FAT4: variants seen among roughly 807,000 people sequenced by gnomAD.
FAT4 encodes the protein FAT atypical cadherin 4, also known as protocadherin Fat 4.
In FAT4, 84 loss-of-function variants were observed where a neutral mutation model predicts 303.9. The observed-to-expected ratio is 0.28, with a 90% CI of 0.23 to 0.33. The LOEUF (loss-of-function observed/expected upper bound fraction) is 0.33. Among genes scored for constraint, FAT4 ranks in the 10% least tolerant of loss-of-function variants. The pLI is 1.00. For synonymous variants in FAT4, 2,307 were observed against 2,298.8 expected (o/e 1.00, Z -0.10); for missense variants, 6,005 against 6,146.8 (o/e 0.98, Z 0.77).
chr4:125,449,488 A>G lies in FAT4; in HGVS notation c.8478A>G (p.Thr2826=). 1.2e-6 allele frequency: 2 copies of G among 1,613,882 alleles called. No individual in the cohort carries two copies. The highest frequency in any genetic ancestry group is 2.2e-5 in the East Asian group (1 of 44,850). ...ASLPFTINPS[T]GDIVISRPLN... Reference sequence around the variant, plus strand: ...TTCCATTTACAATTAATCCCAGCACAGGGGATATTGTCATAAGCAGACCTT... The same window carrying G: ...TTCCATTTACAATTAATCCCAGCACGGGGGATATTGTCATAAGCAGACCTT... Residue 2826 remains threonine (T), a synonymous_variant, in exon 10 of 18, where the codon ACA becomes ACG. Coordinates refer to ENST00000394329, the MANE Select transcript of FAT4 (RefSeq NM_001291303.3).
At chr4:125,336,971 T>C (rs1731601488) in intron 2 of FAT4, among the ~76,000 whole-genome samples, 1 of 152,012 alleles carries the variant, frequency 6.6e-6, no homozygotes, top group Non-Finnish European at 1.5e-5. Context: ...TAAGTAATGG[T>C]ATTTCCATTT....
intron 16 of FAT4, among the ~76,000 whole-genome samples, chr4:125,483,535 C>G (rs550010919): frequency 6.6e-6 from 1 of 152,250 alleles, no homozygotes; most frequent in Middle Eastern, 3.4e-3. Flanking sequence ...AGCTGAATGT[C>G]AGGATCCATT....
intron 7 of FAT4, among the ~76,000 whole-genome samples, chr4:125,417,064 C>G (rs1330793628): frequency 6.6e-6 from 1 of 152,070 alleles, no homozygotes; most frequent in African/African-American, 2.4e-5. Flanking sequence ...ATTCTGATTG[C>G]CTCTATGTTA....
intron 2 of FAT4, among the ~76,000 whole-genome samples, chr4:125,357,851 C>T (rs1732496326): frequency 6.6e-6 from 1 of 152,132 alleles, no homozygotes; most frequent in Non-Finnish European, 1.5e-5. Context: ...AACGTCTTGA[C>T]ATTGTCAATT....
intron 7 of FAT4, among the ~76,000 whole-genome samples, chr4:125,428,293 C>T (rs1331909109): frequency 6.6e-6 from 1 of 151,556 alleles, no homozygotes; most frequent in Non-Finnish European, 1.5e-5. Context: ...AGCGAAACTC[C>T]GTCTCAAAAA....
intron 7 of FAT4, among the ~76,000 whole-genome samples, chr4:125,423,769 C>A (rs1724989849): frequency 6.6e-6 from 1 of 152,142 alleles, no homozygotes. Context: ...GCCACAGGGG[C>A]AGAGCTGCCC....
At chr4:125,469,629 T>TA (rs1430553942) in intron 12 of FAT4, among the ~76,000 whole-genome samples, 1 of 152,208 alleles carries the variant, frequency 6.6e-6, no homozygotes, top group Non-Finnish European at 1.5e-5. Flanking sequence ...TGTTTATCCC[T>TA]AAGAAGCAGC....
At chr4:125,393,127 A>C (rs1734035518) in intron 2 of FAT4, among the ~76,000 whole-genome samples, 1 of 152,220 alleles carries the variant, frequency 6.6e-6, no homozygotes, top group South Asian at 2.1e-4. Flanking sequence ...AAAAGAAAAC[A>C]AAAGATTGTT....
chr4:125,485,027 AT>A (rs1727360001), intron 16 of FAT4, among the ~76,000 whole-genome samples: 1 of 151,776 alleles, frequency 6.6e-6, no homozygotes, highest in Non-Finnish European at 1.5e-5. Context: ...TAACTTTTGT[AT>A]TTTTTTGTAG....
intron 8 of FAT4, among the ~76,000 whole-genome samples, chr4:125,441,879 T>C (rs1032982725): frequency 1.3e-5 from 2 of 152,198 alleles, no homozygotes; most frequent in Non-Finnish European, 2.9e-5. Flanking sequence ...ATAGGTTTGC[T>C]CAATTTATTC....
chr4:125,437,537 C>T (rs948101607), intron 8 of FAT4, among the ~76,000 whole-genome samples: 2 of 152,106 alleles, frequency 1.3e-5, no homozygotes, highest in African/African-American at 4.8e-5. Flanking sequence ...AAAGTCAAAT[C>T]ATAGAGGACT....
At chr4:125,483,971 TC>T (rs1727316318) in intron 16 of FAT4, among the ~76,000 whole-genome samples, 3 of 141,912 alleles carry the variant, frequency 2.1e-5, no homozygotes. Context: ...CCTTTTCTGA[TC>T]CTTTCTTTAA....
At chr4:125,448,329 T>C in intron 9 of FAT4, 132 bp from the exon 10 acceptor site, 1 of 803,848 alleles carries the variant, frequency 1.2e-6, no homozygotes, top group South Asian at 1.9e-5. Flanking sequence ...TAGGAGATAC[T>C]GTTCTCCCTA....
intron 16 of FAT4, among the ~76,000 whole-genome samples, chr4:125,481,972 C>A (rs1052380319): frequency 6.6e-6 from 1 of 152,146 alleles, no homozygotes; most frequent in African/African-American, 2.4e-5. Context: ...GAGTAGAGAA[C>A]CCTGCCAGGT....
intron 10 of FAT4, among the ~76,000 whole-genome samples, chr4:125,455,329 CTTGT>C (rs888369631): frequency 1.8e-4 from 27 of 152,144 alleles, no homozygotes; most frequent in Admixed American, 9.2e-4. Flanking sequence ...TTCTGTCTGG[CTTGT>C]TTATTTCTTT....
At chr4:125,373,994 T>C in intron 2 of FAT4, among the ~76,000 whole-genome samples, 1 of 152,214 alleles carries the variant, frequency 6.6e-6, no homozygotes. Flanking sequence ...ATATTTGTTA[T>C]AGGGTGAAAT....
At chr4:125,368,539 TAA>T (rs902586240) in intron 2 of FAT4, among the ~76,000 whole-genome samples, 21 of 147,288 alleles carry the variant, frequency 1.4e-4, no homozygotes, top group African/African-American at 4.7e-4. Flanking sequence ...TATATATATA[TAA>T]AAATCATATT....
chr4:125,398,177 T>C (rs1400152526), intron 2 of FAT4, among the ~76,000 whole-genome samples: 1 of 152,170 alleles, frequency 6.6e-6, no homozygotes, highest in South Asian at 2.1e-4. Context: ...ATTTGCAACC[T>C]ATATCCACAT....
intron 7 of FAT4, among the ~76,000 whole-genome samples, chr4:125,417,930 G>A (rs1409787931): frequency 1.3e-5 from 2 of 152,160 alleles, no homozygotes; most frequent in Admixed American, 6.5e-5. Context: ...GTTGAACTGG[G>A]TGATCTTGAA....
Sources: allele counts gnomAD v4.1 joint callset (sites outside exome capture counted in the v4.1 genomes callset), GRCh38; gene constraint gnomAD v4.1.1; transcripts MANE v1.5; gene names NCBI Gene and HGNC (gene_info 2026-07-23, HGNC 2026-07-21).